Variants in GPM6A observed in about 807,000 individuals in gnomAD.
GPM6A encodes neuronal membrane glycoprotein M6-a.
In GPM6A, 7 loss-of-function variants were observed where a neutral mutation model predicts 32.1. The observed-to-expected ratio is 0.22, with a 90% CI of 0.12 to 0.41. GPM6A has a LOEUF of 0.41. Ranked by LOEUF, GPM6A falls within the 10% of genes least tolerant of loss-of-function variation. The probability of loss-of-function intolerance (pLI) is 1.00; values close to 1 mark genes in which losing one functional copy is unlikely to be tolerated. For missense variants in GPM6A, 235 were observed against 347.2 expected (o/e 0.68, Z 2.57); for synonymous variants, 130 against 123.4 (o/e 1.05, Z -0.35).
intron 1 of GPM6A, among the ~76,000 whole-genome samples, chr4:175,728,331 T>G (rs1412245505): frequency 1.3e-5 from 2 of 152,138 alleles, no homozygotes; most frequent in African/African-American, 2.4e-5. Context: ...TTAAAAAAAC[T>G]AAATTCAAAA....
At chr4:175,796,901 G>T (rs1378549071) in intron 1 of GPM6A, among the ~76,000 whole-genome samples, 2 of 152,002 alleles carry the variant, frequency 1.3e-5, no homozygotes, top group Non-Finnish European at 2.9e-5. Flanking sequence ...TTTTAAAATT[G>T]TTCTGACCCA....
intron 4 of GPM6A, among the ~76,000 whole-genome samples, chr4:175,647,677 G>A (rs1365338147): frequency 6.6e-6 from 1 of 152,076 alleles, no homozygotes; most frequent in African/African-American, 2.4e-5. Context: ...ATATACTAAG[G>A]AGACAACTCT....
At chr4:175,947,609 T>A (rs985139881) in intron 1 of GPM6A, 3 of 152,186 alleles carry the variant, frequency 2.0e-5, no homozygotes, top group African/African-American at 7.2e-5. Context: ...ATTTGTGTTG[T>A]AATACGTATT....
rs1744897203 is a variant in GPM6A, at chr4:175,701,810, C to G, written c.38-43G>C. Reference sequence around the variant, plus strand: ...GGGAGAAATTCATATTTTTGTTAACCTAATTTAATTTTTTTTTTCAAACTT... The same window carrying G: ...GGGAGAAATTCATATTTTTGTTAACGTAATTTAATTTTTTTTTTCAAACTT... On this transcript the variant is annotated intron_variant, in intron 1 of 6. Coordinates refer to ENST00000393658, the MANE Select transcript of GPM6A (RefSeq NM_201591.3). 5 of 1,446,994 alleles carry G rather than the reference C, an allele frequency of 3.5e-6. No homozygotes were observed. The African/African-American group carries it at 5.7e-5, about 17-fold the overall frequency. 89.6% of individuals were successfully genotyped at this position (1,446,994 alleles called of 1,614,324 possible). A position where few individuals can be genotyped will look rare whatever the true frequency, so the allele number is the denominator to read the frequency against.
intron 1 of GPM6A, among the ~76,000 whole-genome samples, chr4:175,970,654 A>G (rs1321929345): frequency 6.6e-6 from 1 of 152,224 alleles, no homozygotes; most frequent in East Asian, 1.9e-4. Context: ...AGCTTAACAC[A>G]GTCACGAGTG....
At chr4:175,702,920 C>G (rs1744959742) in intron 1 of GPM6A, among the ~76,000 whole-genome samples, 1 of 152,146 alleles carries the variant, frequency 6.6e-6, no homozygotes, top group African/African-American at 2.4e-5. Flanking sequence ...TTCTTGCTAT[C>G]ATTCATGGTT....
chr4:175,877,273 C>A (rs1737115166), intron 1 of GPM6A, among the ~76,000 whole-genome samples: 2 of 152,130 alleles, frequency 1.3e-5, no homozygotes, highest in Non-Finnish European at 2.9e-5. Flanking sequence ...AAATCTGAGT[C>A]ATTTTTATAT....
chr4:175,777,217 T>C (rs1238710390), intron 1 of GPM6A, among the ~76,000 whole-genome samples: 1 of 152,144 alleles, frequency 6.6e-6, no homozygotes, highest in African/African-American at 2.4e-5. Context: ...TAACTAGCTA[T>C]AGGACCATTG....
chr4:175,761,939 C>A (rs1732762151), intron 1 of GPM6A, among the ~76,000 whole-genome samples: 1 of 152,052 alleles, frequency 6.6e-6, no homozygotes, highest in Admixed American at 6.6e-5. Context: ...CGATTACAGG[C>A]ATGCACCACC....
At chr4:175,846,607 A>C (rs1014937806) in intron 1 of GPM6A, among the ~76,000 whole-genome samples, 1 of 152,154 alleles carries the variant, frequency 6.6e-6, no homozygotes, top group African/African-American at 2.4e-5. Context: ...TTACATCTGT[A>C]TAACTTTTAA....
intron 6 of GPM6A, among the ~76,000 whole-genome samples, chr4:175,636,065 C>CA (rs1185927835): frequency 6.6e-6 from 1 of 151,216 alleles, no homozygotes; most frequent in Non-Finnish European, 1.5e-5. Flanking sequence ...CAACAAACAG[C>CA]AAAAAACAAA....
intron 2 of GPM6A, among the ~76,000 whole-genome samples, chr4:175,674,086 T>C (rs1743231192): frequency 6.6e-6 from 1 of 152,240 alleles, no homozygotes. Context: ...TCTTCTTTTC[T>C]AACTTCTCCT....
intron 1 of GPM6A, among the ~76,000 whole-genome samples, chr4:175,743,888 T>G (rs1274824788): frequency 1.3e-5 from 2 of 151,168 alleles, no homozygotes; most frequent in Admixed American, 1.3e-4. Context: ...CTATCAGAAT[T>G]GAAAGGAAAA....
In GPM6A at chr4:175,721,148, A is replaced by AATACATATATAT. The variant is rs1553981547; in HGVS notation, c.38-19382_38-19381insATATATATGTAT. ...TTTAAAAAGAATATATATATATTCT[A>AATACATATATAT]ATATATATATATATATATTTTCTAT... On this transcript the variant is annotated intron_variant, in intron 1 of 6. Coordinates refer to ENST00000393658, the MANE Select transcript of GPM6A (RefSeq NM_201591.3). Among the ~76,000 whole-genome samples, 6 of 135,198 alleles carry AATACATATATAT rather than the reference A, an allele frequency of 4.4e-5. No individual in the cohort carries two copies. The South Asian group carries it at 7.0e-4, about 16-fold the overall frequency. The allele number at this position is 135,198 out of a possible 152,430, so 88.7% of individuals were successfully genotyped here.
Position 175,635,020 on chromosome 4 carries a change from T to A in GPM6A, c.722A>T (p.Tyr241Phe). The A allele has an allele frequency of 6.2e-7, 1 of 1,613,816 alleles. No individual in the cohort carries two copies. ...YLMVLSANWA[Y>F]VKDACRMQKY... ...CTGCATCCGGCAGGCGTCTTTCACA[T>A]AGGCCCAGTTGGCAGACAGAACCAT... The change falls in exon 7 of 7, where the codon TAT (tyrosine) becomes TTT (phenylalanine). Residue 241 changes from tyrosine (Y) to phenylalanine (F), a missense_variant. By Grantham distance (22) the Tyr-to-Phe change is conservative (BLOSUM62 3). This residue lies in a region of GPM6A where 27 missense variants were observed against 59.4 expected (regional missense o/e 0.45). Transcript: ENST00000393658.
intron 4 of GPM6A, among the ~76,000 whole-genome samples, chr4:175,643,934 CA>C (rs1460224537): frequency 2.6e-5 from 4 of 152,108 alleles, no homozygotes; most frequent in African/African-American, 4.8e-5. Context: ...GCCGGCCACC[CA>C]CTGCACATGC....
At chr4:175,833,801 C>T (rs935362961) in intron 1 of GPM6A, among the ~76,000 whole-genome samples, 2 of 151,876 alleles carry the variant, frequency 1.3e-5, no homozygotes, top group Admixed American at 1.3e-4. Context: ...CAGCTATACC[C>T]AGGGCATCAA....
chr4:175,912,066 C>T (rs1459968342), intron 1 of GPM6A, among the ~76,000 whole-genome samples: 3 of 151,406 alleles, frequency 2.0e-5, no homozygotes, highest in Non-Finnish European at 4.4e-5. Flanking sequence ...GTTCACACAG[C>T]AAAGGAATAC....
chr4:175,649,100 C>T (rs1041533412), intron 4 of GPM6A, among the ~76,000 whole-genome samples: 1 of 152,168 alleles, frequency 6.6e-6, no homozygotes, highest in South Asian at 2.1e-4. Context: ...TCAGGACACT[C>T]CCCTTTCAAT....
Sources: gnomAD v4.1 joint callset for allele counts (sites outside exome capture counted in the v4.1 genomes callset) on GRCh38, gnomAD v4.1.1 for gene constraint, gnomAD v4.1.1 regional missense constraint, MANE v1.5 for transcripts, NCBI Gene and HGNC (gene_info 2026-07-23, HGNC 2026-07-21) for gene names.